Variants in SYNC observed in about 807,000 individuals in gnomAD.
SYNC encodes the protein syncoilin, intermediate filament protein.
Under a neutral mutation model 49.5 loss-of-function variants are expected in SYNC, and 38 were observed. The observed-to-expected ratio is 0.77, with a 90% CI of 0.59 to 1.01. The LOEUF (loss-of-function observed/expected upper bound fraction) is 1.01, where lower values mean the gene tolerates loss of function less well. Among genes scored for constraint, SYNC ranks in the 50% least tolerant of loss-of-function variants. The pLI is 0.00. For missense variants in SYNC, 579 were observed against 580.6 expected (o/e 1.00, Z 0.03); for synonymous variants, 201 against 230.8 (o/e 0.87, Z 1.17).
intron 1 of SYNC, among the ~76,000 whole-genome samples, chr1:32,697,724 G>A (rs1441344759): frequency 6.7e-6 from 1 of 150,142 alleles, no homozygotes; most frequent in Non-Finnish European, 1.5e-5. Context: ...GGGCAACAGA[G>A]ACCCTGTCAA....
At chr1:32,699,899 A>AT (rs1232147774) in intron 1 of SYNC, among the ~76,000 whole-genome samples, 8 of 151,548 alleles carry the variant, frequency 5.3e-5, no homozygotes, top group Non-Finnish European at 1.5e-5. Flanking sequence ...TGCCTGGCTA[A>AT]TTTTTTGTAT....
intron 1 of SYNC, among the ~76,000 whole-genome samples, chr1:32,699,011 C>T (rs1650561386): frequency 6.6e-6 from 1 of 151,888 alleles, no homozygotes; most frequent in Non-Finnish European, 1.5e-5. Context: ...AACTCCTGAG[C>T]TCAAGCGATC....
rs1005704034 is a variant in SYNC at position 32,681,494 on chromosome 1, A to G, written c.*356T>C. 3.7e-6 allele frequency: 1 copy of G among 270,516 alleles called. No individual in the cohort carries two copies. Among genetic ancestry groups the G allele is most frequent in the Non-Finnish European group, 6.9e-6 (1 of 145,172 alleles). 16.8% of individuals were successfully genotyped at this position (270,516 alleles called of 1,614,324 possible). ...TTTTGGTTTGGGTCAACACAAGGCA[A>G]GATACATTCTTTAAAATACTCCCAG... On this transcript the variant is annotated 3_prime_UTR_variant, in exon 5 of 5. Coordinates refer to ENST00000409190, the MANE Select transcript of SYNC (RefSeq NM_030786.3).
At chr1:32,683,613 G>A (rs540501088) in intron 4 of SYNC, 47 of 158,722 alleles carry the variant, frequency 3.0e-4, no homozygotes, top group Admixed American at 1.3e-3. Flanking sequence ...GCACACAAGG[G>A]TTTTTTGTTG....
intron 2 of SYNC, chr1:32,686,216 ATC>A (rs1417433704): frequency 6.6e-6 from 1 of 152,180 alleles, no homozygotes; most frequent in Non-Finnish European, 1.5e-5. Flanking sequence ...AGTTAATTTC[ATC>A]TGTTTCTTTT....
intron 2 of SYNC, chr1:32,685,558 T>G (rs1649764862): frequency 6.6e-6 from 1 of 152,250 alleles, no homozygotes; most frequent in African/African-American, 2.4e-5. Context: ...ACATTGTACC[T>G]GTGGCACATC....
At chr1:32,684,152 C>A in intron 3 of SYNC, 63 bp from the exon 4 acceptor site, 1 of 1,606,288 alleles carries the variant, frequency 6.2e-7, no homozygotes, top group Non-Finnish European at 8.5e-7. Flanking sequence ...AAATCATTTC[C>A]CAAATCCTCT....
At chr1:32,687,635 G>A (rs1649921618) in intron 2 of SYNC, among the ~76,000 whole-genome samples, 1 of 149,792 alleles carries the variant, frequency 6.7e-6, no homozygotes, top group Non-Finnish European at 1.5e-5. Context: ...TTGCGCCACT[G>A]CACTCCAGCC....
intron 2 of SYNC, among the ~76,000 whole-genome samples, chr1:32,687,009 G>T (rs1197889829): frequency 6.6e-6 from 1 of 152,104 alleles, no homozygotes; most frequent in East Asian, 1.9e-4. Flanking sequence ...ATTATCTGGG[G>T]GAGAAGGTCC....
chr1:32,695,180 T>C lies in SYNC; in HGVS notation c.918A>G (p.Leu306=). ...CATCCCTCTGGCTTGGAGGGGCTTCTAGTTGTTGCCGCAGCTGCTCCTTCT... is the reference window on the plus strand; with the variant it reads ...CATCCCTCTGGCTTGGAGGGGCTTCCAGTTGTTGCCGCAGCTGCTCCTTCT... ...QKQKEQLRQQ[L]EAPPSQRDGH... is the part of the protein sequence containing the mutation. The change falls in exon 2 of 5, where the codon CTA becomes CTG. Residue 306 remains leucine (L), a synonymous_variant. Transcript: ENST00000409190. 6.4e-7 allele frequency: 1 copy of C among 1,573,476 alleles called. No homozygotes were observed. Among genetic ancestry groups the C allele is most frequent in the Non-Finnish European group, 8.6e-7 (1 of 1,159,168 alleles).
chr1:32,692,060 G>A (rs1029043123), intron 2 of SYNC, among the ~76,000 whole-genome samples: 3 of 151,974 alleles, frequency 2.0e-5, no homozygotes, highest in African/African-American at 4.8e-5. Context: ...GTGAAACCCC[G>A]TCTCTATTAA....
intron 2 of SYNC, among the ~76,000 whole-genome samples, chr1:32,687,097 T>C (rs893998382): frequency 2.6e-5 from 4 of 152,036 alleles, no homozygotes; most frequent in Non-Finnish European, 5.9e-5. Context: ...CAGTGGCTCA[T>C]GCCTGTAATC....
At chr1:32,687,618 G>A (rs1649919721) in intron 2 of SYNC, among the ~76,000 whole-genome samples, 1 of 150,604 alleles carries the variant, frequency 6.6e-6, no homozygotes, top group African/African-American at 2.4e-5. Flanking sequence ...GTTACAGTGA[G>A]CCAAGATTGC....
At chr1:32,691,076 G>C (rs1209643066) in intron 2 of SYNC, among the ~76,000 whole-genome samples, 3 of 152,170 alleles carry the variant, frequency 2.0e-5, no homozygotes, top group Non-Finnish European at 4.4e-5. Context: ...AAATTAGCCA[G>C]CTATGGTGGC....
Position 32,702,580 on chromosome 1 carries a change from C to T in SYNC, c.53+28G>A. 2 of 1,188,816 alleles carry T rather than the reference C, an allele frequency of 1.7e-6. No individual in the cohort carries two copies. The highest frequency in any genetic ancestry group is 2.1e-6 in the Non-Finnish European group (2 of 961,314). 73.6% of individuals were successfully genotyped at this position (1,188,816 alleles called of 1,614,324 possible). On this transcript the variant is annotated intron_variant, in intron 1 of 4. Transcript: ENST00000409190. This position sits in a 1 kb window ranked among gnomAD's most constrained non-coding sequence, Gnocchi z 6.2. Reference sequence around the variant, plus strand: ...CAGCAGCACCCCTTCCCCAGCGGGGCGGCGACGCGGGCCCGGCACTGTCCT... The same window carrying T: ...CAGCAGCACCCCTTCCCCAGCGGGGTGGCGACGCGGGCCCGGCACTGTCCT...
intron 2 of SYNC, among the ~76,000 whole-genome samples, chr1:32,686,750 TTAA>T (rs1487797419): frequency 6.6e-6 from 1 of 152,140 alleles, no homozygotes; most frequent in Non-Finnish European, 1.5e-5. Flanking sequence ...GGGAGTATTA[TTAA>T]TCTCATGTTT....
chr1:32,695,614 T>C lies in SYNC; in HGVS notation c.484A>G (p.Ser162Gly). 6.4e-7 allele frequency: 1 copy of C among 1,551,604 alleles called. No homozygotes were observed. The highest frequency in any genetic ancestry group is 8.7e-7 in the Non-Finnish European group (1 of 1,146,984). ...TCTATGCTCAGGTTCTCCTCCATGC[T>C]GGGGCTCTGCTCGGCTCTGAGGCTC... The part of the protein sequence containing the change: ...EESLRAEQSP[S>G]MEENLSIEDL... Residue 162 changes from serine to glycine, a missense_variant, in exon 2 of 5, where the codon AGC (serine) becomes GGC (glycine). By Grantham distance (56) the Ser-to-Gly change is moderately conservative (BLOSUM62 0). Transcript: ENST00000409190.
intron 2 of SYNC, among the ~76,000 whole-genome samples, chr1:32,689,234 C>A (rs1204141401): frequency 5.3e-5 from 1 of 18,696 alleles, no homozygotes; most frequent in Non-Finnish European, 1.9e-4. Flanking sequence ...CCTCGCCTGG[C>A]CTTTTTTTTT....
chr1:32,684,162 T>C (rs1649646599), intron 3 of SYNC, 73 bp from the exon 4 acceptor site: 1 of 1,605,990 alleles, frequency 6.2e-7, no homozygotes, highest in Non-Finnish European at 8.5e-7. Context: ...CCAAATCCTC[T>C]TTTTGTTTTT....
Sources: allele counts gnomAD v4.1 joint callset (sites outside exome capture counted in the v4.1 genomes callset), GRCh38; gene constraint gnomAD v4.1.1; non-coding constraint Gnocchi (gnomAD v3.1); transcripts MANE v1.5; gene names NCBI Gene and HGNC (gene_info 2026-07-23, HGNC 2026-07-21).